EPHA6: variants seen among roughly 807,000 people sequenced by gnomAD.
The protein encoded by EPHA6 is EPH receptor A6.
Under a neutral mutation model 112.0 loss-of-function variants are expected in EPHA6, and 50 were observed. That is an observed-to-expected ratio of 0.45 (90% CI 0.36 to 0.56). EPHA6 has a LOEUF of 0.56. Ranked by LOEUF, EPHA6 falls within the 20% of genes least tolerant of loss-of-function variation. EPHA6 has a pLI of 0.00. For synonymous variants in EPHA6, 529 were observed against 490.7 expected, an observed-to-expected ratio of 1.08 and a Z score of -1.03; for missense variants, 1,280 against 1,417.4, an observed-to-expected ratio of 0.90 and a Z score of 1.56.
chr3:97,181,175 G>T (rs951842629), intron 3 of EPHA6, among the ~76,000 whole-genome samples: 1 of 152,102 alleles, frequency 6.6e-6, no homozygotes, highest in Non-Finnish European at 1.5e-5. Context: ...CATTGTCTCA[G>T]AATTGCTATG....
At chr3:97,463,488 C>A (rs1319155170) in intron 7 of EPHA6, among the ~76,000 whole-genome samples, 1 of 152,098 alleles carries the variant, frequency 6.6e-6, no homozygotes, top group Non-Finnish European at 1.5e-5. Context: ...ACTAGAGATG[C>A]ACATGTATGT....
chr3:96,842,547 G>A (rs1438883837), intron 1 of EPHA6, among the ~76,000 whole-genome samples: 2 of 151,860 alleles, frequency 1.3e-5, no homozygotes, highest in Non-Finnish European at 2.9e-5. Context: ...CTTATAAACA[G>A]GCTCAGATTG....
chr3:96,881,003 G>C (rs2037282657), intron 2 of EPHA6, among the ~76,000 whole-genome samples: 1 of 152,100 alleles, frequency 6.6e-6, no homozygotes, highest in Non-Finnish European at 1.5e-5. Flanking sequence ...CATTATTTGA[G>C]TTCCTGCTTT....
chr3:97,278,849 C>T (rs1225926620), intron 5 of EPHA6, among the ~76,000 whole-genome samples: 2 of 152,176 alleles, frequency 1.3e-5, no homozygotes, highest in East Asian at 1.9e-4. Flanking sequence ...TTGACTCAGA[C>T]TCCTCCTCCA....
At chr3:97,239,588 A>G (rs995228920) in intron 4 of EPHA6, among the ~76,000 whole-genome samples, 8 of 151,950 alleles carry the variant, frequency 5.3e-5, no homozygotes, top group Non-Finnish European at 1.0e-4. Flanking sequence ...GAAAATCGTA[A>G]AGGAAGATAA....
At chr3:97,080,182 G>A (rs572173789) in intron 3 of EPHA6, among the ~76,000 whole-genome samples, 75 of 152,100 alleles carry the variant, frequency 4.9e-4, no homozygotes, top group African/African-American at 1.7e-3. Flanking sequence ...ATCTGTATTA[G>A]CACTGCACTT....
At chr3:97,398,760 C>T (rs1172963010) in intron 5 of EPHA6, among the ~76,000 whole-genome samples, 3 of 151,210 alleles carry the variant, frequency 2.0e-5, no homozygotes, top group Non-Finnish European at 3.0e-5. Context: ...ACTCTTTTTC[C>T]ACTCATTTTA....
intron 5 of EPHA6, among the ~76,000 whole-genome samples, chr3:97,359,217 C>G (rs1261980383): frequency 6.6e-6 from 1 of 151,916 alleles, no homozygotes; most frequent in Non-Finnish European, 1.5e-5. Context: ...TCACAGTTTG[C>G]TTAGGTTCTG....
intron 11 of EPHA6, among the ~76,000 whole-genome samples, chr3:97,565,871 G>T (rs1002448991): frequency 6.6e-6 from 1 of 151,976 alleles, no homozygotes; most frequent in Non-Finnish European, 1.5e-5. Flanking sequence ...ACAAAAATTA[G>T]CTGGGTGTGG....
intron 16 of EPHA6, among the ~76,000 whole-genome samples, chr3:97,743,262 T>C (rs563967935): frequency 1.3e-5 from 2 of 152,186 alleles, no homozygotes; most frequent in South Asian, 2.1e-4. Context: ...GTTCTGTAGA[T>C]AATTTAATAT....
intron 1 of EPHA6, among the ~76,000 whole-genome samples, chr3:96,823,610 C>T (rs371281661): frequency 1.8e-4 from 27 of 151,702 alleles, no homozygotes; most frequent in East Asian, 1.7e-3. Flanking sequence ...AAGAAATAGT[C>T]GAGCAGCAGA....
At chr3:97,114,724 C>G (rs1279479622) in intron 3 of EPHA6, among the ~76,000 whole-genome samples, 1 of 152,008 alleles carries the variant, frequency 6.6e-6, no homozygotes, top group Non-Finnish European at 1.5e-5. Context: ...TGTGAGTCCA[C>G]TAATTCACTC....
At chr3:97,044,592 T>G (rs570738383) in intron 3 of EPHA6, among the ~76,000 whole-genome samples, 4 of 151,708 alleles carry the variant, frequency 2.6e-5, no homozygotes, top group Admixed American at 2.6e-4. Context: ...AACATAAAGA[T>G]ACCCATCAAA....
At chr3:97,262,005 A>T (rs2108620794) in intron 5 of EPHA6, among the ~76,000 whole-genome samples, 1 of 152,306 alleles carries the variant, frequency 6.6e-6, no homozygotes. Context: ...TTAGTTATAA[A>T]ACCCTAGTTA....
chr3:97,235,967 G>A (rs116200590), intron 4 of EPHA6, among the ~76,000 whole-genome samples: 3,030 of 151,852 alleles, frequency 0.02, 119 homozygotes, highest in African/African-American at 0.069. Flanking sequence ...TTAAAAATTA[G>A]GAATAAGAAA....
chr3:97,499,600 G>C (rs375674161), intron 10 of EPHA6, among the ~76,000 whole-genome samples: 1 of 152,066 alleles, frequency 6.6e-6, no homozygotes, highest in East Asian at 1.9e-4. Flanking sequence ...ATATGGTATA[G>C]CCTATTCCTT....
intron 3 of EPHA6, among the ~76,000 whole-genome samples, chr3:97,150,432 T>C (rs1559758854): frequency 6.6e-6 from 1 of 152,126 alleles, no homozygotes; most frequent in Non-Finnish European, 1.5e-5. Flanking sequence ...ATCAATGTCT[T>C]ACTCTGCAGC....
chr3:97,457,032 A>G (rs1318560856), intron 7 of EPHA6, among the ~76,000 whole-genome samples: 1 of 152,194 alleles, frequency 6.6e-6, no homozygotes, highest in Non-Finnish European at 1.5e-5. Flanking sequence ...GTTGTTAGAA[A>G]AACATCAAGG....
chr3:97,549,049 G>A (rs187861798), intron 11 of EPHA6, among the ~76,000 whole-genome samples: 1 of 152,282 alleles, frequency 6.6e-6, no homozygotes, highest in Non-Finnish European at 1.5e-5. Context: ...TAAAAGTCTA[G>A]CATATACAAT....
Sources: allele counts gnomAD v4.1 joint callset (sites outside exome capture counted in the v4.1 genomes callset), GRCh38; gene constraint gnomAD v4.1.1; transcripts MANE v1.5; gene names NCBI Gene and HGNC (gene_info 2026-07-23, HGNC 2026-07-21).